The following WDFY4 variants were observed in gnomAD, a reference collection of about 807,000 sequenced individuals.
WDFY4 encodes WDFY family member 4.
In WDFY4, 169 loss-of-function variants were observed where a neutral mutation model predicts 351.9. The observed-to-expected ratio is 0.48, with a 90% confidence interval of 0.42 to 0.55. The LOEUF is 0.55. Ranked by LOEUF, WDFY4 falls within the 20% of genes least tolerant of loss-of-function variation. The pLI is 0.00. For missense variants in WDFY4, 3,803 were observed against 3,935.6 expected (o/e 0.97, Z 0.90); for synonymous variants, 1,622 against 1,574.6 (o/e 1.03, Z -0.71).
At position 48,954,642 on chromosome 10, in the gene WDFY4, G is replaced by A. The variant is rs1300885845; in HGVS notation, c.7978-2487G>A. Among the ~76,000 whole-genome samples, 7 of 152,018 alleles carry A rather than the reference G, an allele frequency of 4.6e-5. No individual in the cohort carries two copies. In the South Asian group the frequency reaches 1.2e-3, roughly 27 times the overall value. On this transcript the variant is annotated intron_variant, in intron 51 of 61. Coordinates refer to ENST00000325239, the MANE Select transcript of WDFY4 (RefSeq NM_001394531.1). ...AATTCAATCTTAGCTGGGACTGCTC[G>A]CTGGCAGCCACCAGAGTTTACATCA...
At chr10:48,783,148 AG>A (rs1221370285) in intron 19 of WDFY4, among the ~76,000 whole-genome samples, 1 of 152,172 alleles carries the variant, frequency 6.6e-6, no homozygotes, top group Non-Finnish European at 1.5e-5. Flanking sequence ...CAGTTTCCTC[AG>A]GGGATTGGCT....
intron 39 of WDFY4, among the ~76,000 whole-genome samples, chr10:48,844,783 C>A (rs1383164001): frequency 6.6e-6 from 1 of 152,192 alleles, no homozygotes; most frequent in Non-Finnish European, 1.5e-5. Flanking sequence ...AAGCCTAAGG[C>A]CTGCTGTGCA....
At chr10:48,977,356 C>A (rs2131870701) in intron 59 of WDFY4, among the ~76,000 whole-genome samples, 1 of 152,180 alleles carries the variant, frequency 6.6e-6, no homozygotes, top group South Asian at 2.1e-4. Context: ...TACCCACCTA[C>A]CCATTTATCT....
intron 47 of WDFY4, chr10:48,910,249 C>T (rs776051625): frequency 5.5e-5 from 86 of 1,561,310 alleles, no homozygotes; most frequent in Admixed American, 1.9e-4. Context: ...AGGAAGATGT[C>T]AAGCGTATTC....
intron 47 of WDFY4, among the ~76,000 whole-genome samples, chr10:48,908,535 T>C (rs560960058): frequency 6.6e-6 from 1 of 152,356 alleles, no homozygotes; most frequent in South Asian, 2.1e-4. Flanking sequence ...CTCGGTGTTT[T>C]AGATTCTCAT....
At chr10:48,821,207 A>G (rs1376358750) in intron 34 of WDFY4, 31 bp downstream of exon 34, 125 of 1,502,932 alleles carry the variant, frequency 8.3e-5, no homozygotes, top group Non-Finnish European at 1.0e-4. Flanking sequence ...CCCTCCATTC[A>G]TGACATGAGG....
chr10:48,709,018 C>CA (rs2063706653), intron 1 of WDFY4, among the ~76,000 whole-genome samples: 1 of 151,582 alleles, frequency 6.6e-6, no homozygotes, highest in African/African-American at 2.4e-5. Flanking sequence ...CCCCCCCCCC[C>CA]CAAACAGGCT....
intron 47 of WDFY4, among the ~76,000 whole-genome samples, chr10:48,916,976 A>C (rs954180969): frequency 6.6e-6 from 1 of 151,988 alleles, no homozygotes; most frequent in African/African-American, 2.4e-5. Context: ...GTTGTCCCAT[A>C]AGATTGTGAT....
At chr10:48,845,204 G>T (rs2068735543) in intron 39 of WDFY4, among the ~76,000 whole-genome samples, 1 of 152,198 alleles carries the variant, frequency 6.6e-6, no homozygotes, top group African/African-American at 2.4e-5. Context: ...GTTCTTCAGG[G>T]AATTGGGAAA....
At chr10:48,972,126 A>G (rs1431786947) in intron 57 of WDFY4, among the ~76,000 whole-genome samples, 3 of 152,204 alleles carry the variant, frequency 2.0e-5, no homozygotes, top group Non-Finnish European at 4.4e-5. Context: ...TGGGAATCCC[A>G]CATGCTCTTA....
At chr10:48,961,376 A>G (rs144709301) in intron 53 of WDFY4, among the ~76,000 whole-genome samples, 82 of 152,352 alleles carry the variant, frequency 5.4e-4, no homozygotes, top group African/African-American at 1.8e-3. Flanking sequence ...ATAAAGATGT[A>G]GCCAAAAACA....
intron 28 of WDFY4, among the ~76,000 whole-genome samples, chr10:48,808,731 G>A (rs988399644): frequency 6.6e-6 from 1 of 152,230 alleles, no homozygotes; most frequent in African/African-American, 2.4e-5. Context: ...TGGTAGAACT[G>A]GAAGATGCCT....
intron 1 of WDFY4, among the ~76,000 whole-genome samples, chr10:48,703,377 G>A (rs2063534027): frequency 6.6e-6 from 1 of 152,208 alleles, no homozygotes; most frequent in Non-Finnish European, 1.5e-5. Context: ...CCAGCTCCAA[G>A]GCCTGAGGGC....
intron 24 of WDFY4, among the ~76,000 whole-genome samples, chr10:48,797,328 T>C (rs1409980856): frequency 6.6e-6 from 1 of 152,162 alleles, no homozygotes; most frequent in Non-Finnish European, 1.5e-5. Flanking sequence ...CCTGGGCATG[T>C]GGAGGTCCTC....
chr10:48,787,875 T>TTC lies in WDFY4; in HGVS notation c.3809-654_3809-653insCT, dbSNP rs1403257460. Among the ~76,000 whole-genome samples, 647 of 88,738 alleles carry TTC rather than the reference T, an allele frequency of 7.3e-3. 23 individuals carry two copies. Among genetic ancestry groups the TTC allele is most frequent in the East Asian group, 0.027 (47 of 1,740 alleles). The allele number at this position is 88,738 out of a possible 152,430, so 58.2% of individuals were successfully genotyped here. A position where few individuals can be genotyped will look rare whatever the true frequency, so the allele number is the denominator to read the frequency against. On this transcript the variant is annotated intron_variant, in intron 20 of 61. Transcript: ENST00000325239. ...TCTTCTTCTTTCTTCTTCTTTCTTC[T>TTC]TTCTTTCTTCTTCTTCTCCTTCTTC...
At chr10:48,878,761 G>A (rs573541514) in intron 43 of WDFY4, 1 of 152,900 alleles carries the variant, frequency 6.5e-6, no homozygotes, top group East Asian at 1.9e-4. Context: ...ATCACCTCCT[G>A]CCTTGCTGCT....
At position 48,974,944 on chromosome 10, in the gene WDFY4, G is replaced by A. The variant is rs1842501553; in HGVS notation, c.9011G>A (p.Cys3004Tyr). The change falls in exon 58 of 62, where the codon TGC (cysteine) becomes TAC (tyrosine). Residue 3004 changes from cysteine to tyrosine, a missense_variant. This residue lies in a region of WDFY4 where 3,054 missense variants were observed against 3,148.6 expected (regional missense o/e 0.97). Coordinates refer to ENST00000325239, the MANE Select transcript of WDFY4 (RefSeq NM_001394531.1). ...CTCCTGGTGAGCGGCTCCCAGGACT[G>A]CACCTGTATCCTGTGGGATCTGGAC... Reference protein sequence around the residue: ...FSLLVSGSQDCTCILWDLDHL... With the variant: ...FSLLVSGSQDYTCILWDLDHL... 9 of 1,551,644 alleles carry A rather than the reference G, an allele frequency of 5.8e-6. No individual in the cohort carries two copies. In the East Asian group the frequency reaches 2.2e-4, roughly 38 times the overall value.
chr10:48,942,439 G>A (rs1448571706), intron 48 of WDFY4, among the ~76,000 whole-genome samples: 1 of 152,116 alleles, frequency 6.6e-6, no homozygotes, highest in Non-Finnish European at 1.5e-5. Flanking sequence ...GGATGCCTCC[G>A]AGTGGGTACA....
At chr10:48,904,354 ATTGT>A (rs1407164498) in intron 47 of WDFY4, among the ~76,000 whole-genome samples, 1 of 152,162 alleles carries the variant, frequency 6.6e-6, no homozygotes, top group Non-Finnish European at 1.5e-5. Flanking sequence ...CTGATCTCAT[ATTGT>A]TTATGTTTCA....
Sources: gnomAD v4.1 joint callset for allele counts (sites outside exome capture counted in the v4.1 genomes callset) on GRCh38, gnomAD v4.1.1 for gene constraint, gnomAD v4.1.1 regional missense constraint, MANE v1.5 for transcripts, NCBI Gene and HGNC (gene_info 2026-07-23, HGNC 2026-07-21) for gene names.